NRG1: variants seen among roughly 807,000 people sequenced by gnomAD.
NRG1 encodes pro-neuregulin-1, membrane-bound isoform.
NRG1 carries 18 observed loss-of-function variants against 63.8 expected under a neutral mutation model. That is an observed-to-expected ratio of 0.28 (90% CI 0.19 to 0.42). The LOEUF is 0.42. NRG1 is among the 10% of genes least tolerant of loss of function. The pLI, the probability that NRG1 is intolerant of heterozygous loss-of-function variation, is 1.00. For missense variants in NRG1, 762 were observed against 814.7 expected (o/e 0.94, Z 0.79); for synonymous variants, 302 against 301.3 (o/e 1.00, Z -0.02).
intron 5 of NRG1, among the ~76,000 whole-genome samples, chr8:32,635,460 CA>C (rs1252846362): frequency 3.3e-5 from 5 of 152,258 alleles, no homozygotes; most frequent in Admixed American, 2.0e-4. Context: ...CAATGCTGCA[CA>C]GCACATTTCC....
chr8:32,586,866 G>A (rs182316546), intron 1 of NRG1, among the ~76,000 whole-genome samples: 17 of 152,268 alleles, frequency 1.1e-4, no homozygotes, highest in Admixed American at 1.0e-3. Context: ...GAGCAAACCA[G>A]CATCTTGTAG....
intron 1 of NRG1, among the ~76,000 whole-genome samples, chr8:32,281,947 A>G (rs1563266797): frequency 6.6e-6 from 1 of 152,234 alleles, no homozygotes; most frequent in South Asian, 2.1e-4. Context: ...GATACACAGT[A>G]AAAGAATGTA....
intron 1 of NRG1, among the ~76,000 whole-genome samples, chr8:31,730,351 T>C (rs1401623827): frequency 6.6e-6 from 1 of 152,110 alleles, no homozygotes; most frequent in African/African-American, 2.4e-5. Flanking sequence ...AGGCTGGGGA[T>C]ATAAATGACA....
intron 5 of NRG1, among the ~76,000 whole-genome samples, chr8:32,699,859 G>A (rs571564757): frequency 1.1e-4 from 17 of 152,246 alleles, no homozygotes; most frequent in Non-Finnish European, 2.1e-4. Context: ...ATATTTAAAT[G>A]TACATACCTC....
In NRG1 at chr8:31,679,098, A is replaced by G. The variant is rs1465620198; in HGVS notation, c.37+39667A>G. 2.6e-5 allele frequency among the ~76,000 whole-genome samples: 4 copies of G among 152,114 alleles called. No homozygotes were observed. In the East Asian group the frequency reaches 7.7e-4, roughly 29 times the overall value. ...TCCTTGCGATACTTACTCTCTTTGCACATGCTTCTTCTTTTGCATGAAGGC... is the reference window on the plus strand; with the variant it reads ...TCCTTGCGATACTTACTCTCTTTGCGCATGCTTCTTCTTTTGCATGAAGGC... On this transcript the variant is annotated intron_variant, in intron 1 of 10. Coordinates refer to the NRG1 transcript ENST00000519301.
At chr8:31,920,895 G>GAT (rs1265661198) in intron 1 of NRG1, among the ~76,000 whole-genome samples, 2 of 91,402 alleles carry the variant, frequency 2.2e-5, no homozygotes, top group African/African-American at 7.5e-5. Flanking sequence ...TAGATAGATA[G>GAT]ATAGATAGAT....
chr8:32,147,377 A>G (rs1836986074), intron 1 of NRG1, among the ~76,000 whole-genome samples: 1 of 152,232 alleles, frequency 6.6e-6, no homozygotes, highest in South Asian at 2.1e-4. Context: ...CAATACAGGA[A>G]TAGTTTAATT....
chr8:31,904,232 T>C (rs1182213493), intron 1 of NRG1, among the ~76,000 whole-genome samples: 1 of 152,100 alleles, frequency 6.6e-6, no homozygotes, highest in Non-Finnish European at 1.5e-5. Flanking sequence ...TGGGAGTCAA[T>C]CCATATGCTG....
chr8:32,023,028 A>G (rs1342923206), intron 1 of NRG1, among the ~76,000 whole-genome samples: 1 of 152,232 alleles, frequency 6.6e-6, no homozygotes, highest in Non-Finnish European at 1.5e-5. Context: ...ACTGAGACGG[A>G]TGCATATGCA....
chr8:32,687,979 C>A (rs574770357), intron 5 of NRG1, among the ~76,000 whole-genome samples: 2 of 152,222 alleles, frequency 1.3e-5, no homozygotes, highest in African/African-American at 4.8e-5. Flanking sequence ...CCACCTCCAA[C>A]AATGGGGATT....
chr8:31,898,066 C>T (rs1831742911), intron 1 of NRG1, among the ~76,000 whole-genome samples: 1 of 151,704 alleles, frequency 6.6e-6, no homozygotes, highest in Admixed American at 6.6e-5. Flanking sequence ...CTTAGAAGCC[C>T]CTCACACCTT....
At chr8:31,772,351 A>G (rs1184990436) in intron 1 of NRG1, among the ~76,000 whole-genome samples, 2 of 152,066 alleles carry the variant, frequency 1.3e-5, no homozygotes, top group Non-Finnish European at 2.9e-5. Flanking sequence ...CTTCGTCACC[A>G]AGACTCTCTA....
At chr8:32,031,417 C>T (rs371816801) in intron 1 of NRG1, among the ~76,000 whole-genome samples, 2 of 152,202 alleles carry the variant, frequency 1.3e-5, no homozygotes, top group Admixed American at 1.3e-4. Context: ...CCCTGCAGCT[C>T]GCTGCACGTG....
intron 1 of NRG1, among the ~76,000 whole-genome samples, chr8:31,916,999 T>G (rs1833449207): frequency 6.6e-6 from 1 of 152,016 alleles, no homozygotes; most frequent in Admixed American, 6.6e-5. Context: ...TGCATAAATG[T>G]CTTCTTTTGA....
chr8:32,382,995 G>T (rs1245820323), intron 1 of NRG1, among the ~76,000 whole-genome samples: 1 of 151,962 alleles, frequency 6.6e-6, no homozygotes, highest in African/African-American at 2.4e-5. Context: ...ACTGAGGCAG[G>T]AGGATCATTT....
intron 7 of NRG1, among the ~76,000 whole-genome samples, chr8:32,747,840 T>C (rs992636429): frequency 4.0e-5 from 6 of 151,000 alleles, no homozygotes; most frequent in African/African-American, 1.5e-4. Flanking sequence ...CTTACAGAGT[T>C]TTTCTGGCTA....
chr8:32,186,444 G>C (rs1841973153), intron 1 of NRG1, among the ~76,000 whole-genome samples: 2 of 139,908 alleles, frequency 1.4e-5, no homozygotes, highest in Middle Eastern at 8.6e-3. Flanking sequence ...CTGGGTGACA[G>C]AGCGAGACTC....
chr8:32,201,083 C>T (rs1225722587), intron 1 of NRG1, among the ~76,000 whole-genome samples: 1 of 152,188 alleles, frequency 6.6e-6, no homozygotes, highest in Admixed American at 6.5e-5. Context: ...CTTGTCCATA[C>T]ACTTGTCAAC....
chr8:32,236,954 A>G (rs1847624871), intron 1 of NRG1, among the ~76,000 whole-genome samples: 1 of 152,164 alleles, frequency 6.6e-6, no homozygotes, highest in Non-Finnish European at 1.5e-5. Context: ...GTGCAGGATA[A>G]CAGAGATGTA....
Sources: allele counts gnomAD v4.1 joint callset (sites outside exome capture counted in the v4.1 genomes callset), GRCh38; gene constraint gnomAD v4.1.1; transcripts MANE v1.5; gene names NCBI Gene and HGNC (gene_info 2026-07-23, HGNC 2026-07-21).